GLCCI1: variants seen among roughly 807,000 people sequenced by gnomAD.
GLCCI1 encodes glucocorticoid-induced transcript 1 protein.
Under a neutral mutation model 52.2 loss-of-function variants are expected in GLCCI1, and 24 were observed. The ratio of observed to expected loss-of-function variants is 0.46; its 90% CI spans 0.33 to 0.65. The LOEUF (loss-of-function observed/expected upper bound fraction) is 0.65, where lower values mean the gene tolerates loss of function less well. Ranked by LOEUF, GLCCI1 falls within the 30% of genes least tolerant of loss-of-function variation. The pLI is 0.02. For synonymous variants in GLCCI1, 310 were observed against 276.5 expected (o/e 1.12, Z -1.20); for missense variants, 704 against 701.5 (o/e 1.00, Z -0.04).
At chr7:8,053,224 C>A (rs1362791553) in intron 3 of GLCCI1, among the ~76,000 whole-genome samples, 1 of 151,120 alleles carries the variant, frequency 6.6e-6, no homozygotes, top group Non-Finnish European at 1.5e-5. Context: ...GCTTATTACT[C>A]TCTCTATAGT....
chr7:8,001,888 T>G (rs764382384), intron 1 of GLCCI1, among the ~76,000 whole-genome samples: 2 of 152,062 alleles, frequency 1.3e-5, no homozygotes, highest in Non-Finnish European at 2.9e-5. Flanking sequence ...TAGGTGGGAA[T>G]TGAACAATGA....
intron 6 of GLCCI1, among the ~76,000 whole-genome samples, chr7:8,080,561 C>A (rs1161934091): frequency 6.6e-6 from 1 of 151,326 alleles, no homozygotes; most frequent in Non-Finnish European, 1.5e-5. Flanking sequence ...AGTTATAAAC[C>A]TGGACAACCT....
chr7:8,043,375 C>G (rs1256141971), intron 3 of GLCCI1, among the ~76,000 whole-genome samples: 1 of 150,552 alleles, frequency 6.6e-6, no homozygotes, highest in East Asian at 1.9e-4. Flanking sequence ...GTAGGTTTGA[C>G]TATGTTCCAG....
chr7:8,029,711 T>G (rs1230053690), intron 3 of GLCCI1, among the ~76,000 whole-genome samples: 1 of 151,974 alleles, frequency 6.6e-6, no homozygotes, highest in Non-Finnish European at 1.5e-5. Context: ...TCAGTTAAGT[T>G]GCAGAACACA....
chr7:8,020,249 A>G (rs1294927281), intron 2 of GLCCI1, among the ~76,000 whole-genome samples: 1 of 152,206 alleles, frequency 6.6e-6, no homozygotes, highest in African/African-American at 2.4e-5. Flanking sequence ...AGGATCATCA[A>G]GACATCACTA....
intron 4 of GLCCI1, among the ~76,000 whole-genome samples, chr7:8,057,566 T>A (rs1782426431): frequency 6.6e-6 from 1 of 151,752 alleles, no homozygotes; most frequent in African/African-American, 2.4e-5. Context: ...ATTTTTTGGA[T>A]GATAGAGGGT....
intron 3 of GLCCI1, among the ~76,000 whole-genome samples, chr7:8,055,216 T>C (rs1338277146): frequency 6.6e-6 from 1 of 152,236 alleles, no homozygotes; most frequent in Non-Finnish European, 1.5e-5. Context: ...CCAATAACAC[T>C]ATTCAAATTT....
intron 1 of GLCCI1, among the ~76,000 whole-genome samples, chr7:7,992,288 C>T (rs542692708): frequency 1.3e-5 from 2 of 152,092 alleles, no homozygotes; most frequent in East Asian, 3.9e-4. Flanking sequence ...TGGTGGAAGA[C>T]TTGCCCATAG....
At chr7:7,990,196 T>C (rs1780810633) in intron 1 of GLCCI1, among the ~76,000 whole-genome samples, 1 of 152,126 alleles carries the variant, frequency 6.6e-6, no homozygotes, top group Non-Finnish European at 1.5e-5. Flanking sequence ...TGATTCAGGC[T>C]GTATCTAAAA....
intron 6 of GLCCI1, among the ~76,000 whole-genome samples, chr7:8,071,599 C>CAGGG (rs1782763919): frequency 6.6e-6 from 1 of 152,176 alleles, no homozygotes; most frequent in Admixed American, 6.5e-5. Flanking sequence ...TACAGGACAT[C>CAGGG]AGGGATTTTA....
At chr7:8,044,119 A>G (rs938157459) in intron 3 of GLCCI1, among the ~76,000 whole-genome samples, 7 of 151,658 alleles carry the variant, frequency 4.6e-5, no homozygotes, top group African/African-American at 1.7e-4. Context: ...TAATTTTTTT[A>G]TATTTTTAGT....
chr7:8,081,188 AC>A (rs1053794332), intron 6 of GLCCI1, among the ~76,000 whole-genome samples: 1 of 151,572 alleles, frequency 6.6e-6, no homozygotes, highest in Non-Finnish European at 1.5e-5. Context: ...TGGGAGCTTT[AC>A]CCCCCACCTC....
intron 3 of GLCCI1, among the ~76,000 whole-genome samples, chr7:8,029,730 A>C (rs1380834257): frequency 1.3e-5 from 2 of 152,292 alleles, no homozygotes; most frequent in African/African-American, 4.8e-5. Flanking sequence ...CAAAGTCAAC[A>C]TACAAAAATC....
At chr7:8,047,391 T>G (rs530724067) in intron 3 of GLCCI1, among the ~76,000 whole-genome samples, 5 of 152,354 alleles carry the variant, frequency 3.3e-5, no homozygotes, top group African/African-American at 9.6e-5. Flanking sequence ...AATTTTAAAT[T>G]AATGTATAAA....
intron 1 of GLCCI1, among the ~76,000 whole-genome samples, chr7:7,986,180 A>G (rs37988): frequency 0.42 from 63,471 of 152,066 alleles, 13,538 homozygotes; most frequent in Middle Eastern, 0.52. Context: ...ATACTCTCTT[A>G]GTACAGGAAT....
intron 5 of GLCCI1, among the ~76,000 whole-genome samples, chr7:8,061,690 AG>A (rs1290078553): frequency 1.1e-5 from 1 of 89,816 alleles, no homozygotes; most frequent in Non-Finnish European, 2.0e-5. Flanking sequence ...TTTTTGAGAC[AG>A]GGTCTCGTTC....
intron 3 of GLCCI1, among the ~76,000 whole-genome samples, chr7:8,026,078 G>C (rs1781613107): frequency 6.6e-6 from 1 of 152,160 alleles, no homozygotes; most frequent in African/African-American, 2.4e-5. Context: ...AACATTGTTT[G>C]GTTGGATTTA....
intron 3 of GLCCI1, among the ~76,000 whole-genome samples, chr7:8,034,746 C>G (rs1358292277): frequency 6.6e-6 from 1 of 152,144 alleles, no homozygotes. Flanking sequence ...AAGAGGCTGG[C>G]AGAGATTAGC....
At chr7:7,971,613 A>C (rs1279738167) in intron 1 of GLCCI1, among the ~76,000 whole-genome samples, 1 of 152,186 alleles carries the variant, frequency 6.6e-6, no homozygotes, top group African/African-American at 2.4e-5. Context: ...CCTTTTGTAT[A>C]TAAACACTAA....
Sources: allele counts gnomAD v4.1 joint callset (sites outside exome capture counted in the v4.1 genomes callset), GRCh38; gene constraint gnomAD v4.1.1; transcripts MANE v1.5; gene names NCBI Gene and HGNC (gene_info 2026-07-23, HGNC 2026-07-21).